The following WWOX variants were observed in gnomAD, a reference collection of about 807,000 sequenced individuals.
WWOX encodes WW domain-containing oxidoreductase.
In WWOX, 69 loss-of-function variants were observed where a neutral mutation model predicts 46.2. The ratio of observed to expected loss-of-function variants is 1.49; its 90% CI spans 1.23 to 1.82. WWOX has a LOEUF of 1.82. Ranked by LOEUF, WWOX falls within the 40% of genes most tolerant of loss-of-function variation. The pLI is 0.00. For missense variants in WWOX, 919 were observed against 542.6 expected (o/e 1.69, Z -6.89); for synonymous variants, 359 against 202.6 (o/e 1.77, Z -6.56).
chr16:79,044,425 C>A (rs1302884430), intron 8 of WWOX, among the ~76,000 whole-genome samples: 3 of 152,112 alleles, frequency 2.0e-5, no homozygotes, highest in Non-Finnish European at 4.4e-5. Context: ...TTGGTACTGT[C>A]CTCACGATAG....
At chr16:78,525,980 A>C (rs2151505228) in intron 8 of WWOX, 1 of 152,334 alleles carries the variant, frequency 6.6e-6, no homozygotes, top group African/African-American at 2.4e-5. Context: ...GTTGCAGAGC[A>C]CATGTATCAT....
intron 8 of WWOX, among the ~76,000 whole-genome samples, chr16:78,542,206 C>T (rs1311368395): frequency 3.9e-5 from 6 of 151,976 alleles, no homozygotes; most frequent in East Asian, 1.9e-4. Context: ...GTATCTCCAG[C>T]CCTCCGTAAA....
chr16:78,466,619 C>G (rs140358957), intron 8 of WWOX, among the ~76,000 whole-genome samples: 4,279 of 152,128 alleles, frequency 0.028, 185 homozygotes, highest in South Asian at 0.2. Flanking sequence ...CACTTGAGGT[C>G]AGGAGTTCGA....
chr16:78,395,126 A>T (rs11862908), intron 6 of WWOX, among the ~76,000 whole-genome samples: 3,196 of 152,290 alleles, frequency 0.021, 100 homozygotes, highest in African/African-American at 0.071. Flanking sequence ...TTCTGAGAAT[A>T]TATAGAGTTT....
At chr16:78,686,370 G>T (rs925609429) in intron 8 of WWOX, among the ~76,000 whole-genome samples, 3 of 152,144 alleles carry the variant, frequency 2.0e-5, no homozygotes, top group African/African-American at 7.2e-5. Flanking sequence ...AATTAGCCAG[G>T]CGTGGTGGCG....
intron 8 of WWOX, among the ~76,000 whole-genome samples, chr16:78,639,764 C>T (rs1446073067): frequency 6.6e-6 from 1 of 152,098 alleles, no homozygotes; most frequent in Non-Finnish European, 1.5e-5. Flanking sequence ...CAGGGTTTCA[C>T]CATGTTGGCC....
chr16:79,138,824 C>G (rs2050032951), intron 8 of WWOX, among the ~76,000 whole-genome samples: 1 of 152,156 alleles, frequency 6.6e-6, no homozygotes, highest in Non-Finnish European at 1.5e-5. Context: ...AGGGACTCAC[C>G]AGATGTGGCA....
intron 8 of WWOX, among the ~76,000 whole-genome samples, chr16:78,597,815 C>A (rs1429450727): frequency 6.7e-6 from 1 of 149,676 alleles, no homozygotes; most frequent in Non-Finnish European, 1.5e-5. Flanking sequence ...AATGCTAAGC[C>A]CTCCCCACTT....
rs750226191 is a variant in WWOX at position 78,115,055 on chromosome 16, C to T, written c.310C>T (p.Arg104Trp). 85 of 1,614,178 alleles carry T rather than the reference C, an allele frequency of 5.3e-5. No homozygotes were observed. The highest frequency in any genetic ancestry group is 6.7e-5 in the East Asian group (3 of 44,882). ...TGATAATCCGACCAAGCCAACCACCCGGCAAAGATACGACGGCAGCACCAC... is the reference window on the plus strand; with the variant it reads ...TGATAATCCGACCAAGCCAACCACCTGGCAAAGATACGACGGCAGCACCAC... ...VDDNPTKPTT[R>W]QRYDGSTTAM... The change falls in exon 4 of 9, where the codon CGG becomes TGG. Residue 104 changes from arginine (R) to tryptophan (W), a missense_variant. Transcript: ENST00000566780.
At chr16:79,187,435 C>G (rs1423647573) in intron 8 of WWOX, among the ~76,000 whole-genome samples, 1 of 152,196 alleles carries the variant, frequency 6.6e-6, no homozygotes, top group African/African-American at 2.4e-5. Context: ...GAGTATCGCT[C>G]TGTCACCCAG....
At chr16:78,217,958 C>T (rs528002512) in intron 5 of WWOX, among the ~76,000 whole-genome samples, 80 of 152,314 alleles carry the variant, frequency 5.3e-4, no homozygotes, top group African/African-American at 1.8e-3. Context: ...TGTATTTATG[C>T]AGCAGCCTCC....
chr16:78,832,132 A>C (rs1390815762), intron 8 of WWOX, among the ~76,000 whole-genome samples: 2 of 152,144 alleles, frequency 1.3e-5, no homozygotes, highest in Non-Finnish European at 2.9e-5. Context: ...GTCTTTTCTG[A>C]AGTTGCCAGC....
intron 5 of WWOX, among the ~76,000 whole-genome samples, chr16:78,295,380 T>C (rs2079927727): frequency 6.6e-6 from 1 of 152,142 alleles, no homozygotes; most frequent in African/African-American, 2.4e-5. Flanking sequence ...GTAGCATTAT[T>C]ATCTCCAACA....
intron 8 of WWOX, among the ~76,000 whole-genome samples, chr16:78,767,902 T>C (rs2049963272): frequency 6.6e-6 from 1 of 152,194 alleles, no homozygotes; most frequent in Admixed American, 6.5e-5. Flanking sequence ...TTTTTGGTTC[T>C]ATTTTTGCTT....
intron 8 of WWOX, among the ~76,000 whole-genome samples, chr16:78,860,569 A>G (rs2052692747): frequency 6.6e-6 from 1 of 152,232 alleles, no homozygotes; most frequent in Admixed American, 6.5e-5. Context: ...ACTGTGAAAA[A>G]GAAAAGTCCC....
chr16:78,248,767 T>A (rs2037896741), intron 5 of WWOX, among the ~76,000 whole-genome samples: 1 of 151,950 alleles, frequency 6.6e-6, no homozygotes, highest in Non-Finnish European at 1.5e-5. Context: ...GACACGAAAT[T>A]TGGTGGGGAC....
intron 8 of WWOX, among the ~76,000 whole-genome samples, chr16:78,613,462 G>T (rs1255400810): frequency 6.6e-6 from 1 of 152,078 alleles, no homozygotes; most frequent in Non-Finnish European, 1.5e-5. Context: ...CCTACCTCTG[G>T]CAGAATCGCT....
At chr16:78,723,460 G>C (rs974175079) in intron 8 of WWOX, among the ~76,000 whole-genome samples, 1 of 130,710 alleles carries the variant, frequency 7.7e-6, no homozygotes, top group African/African-American at 3.0e-5. Flanking sequence ...ACAGAAGTCT[G>C]CTACCTTGTT....
At chr16:79,188,676 T>A (rs767120456) in intron 8 of WWOX, among the ~76,000 whole-genome samples, 1 of 152,232 alleles carries the variant, frequency 6.6e-6, no homozygotes, top group Non-Finnish European at 1.5e-5. Flanking sequence ...ATGTGCTGGG[T>A]TGGGTCCTCC....
Sources: allele counts gnomAD v4.1 joint callset (sites outside exome capture counted in the v4.1 genomes callset), GRCh38; gene constraint gnomAD v4.1.1; transcripts MANE v1.5; gene names NCBI Gene and HGNC (gene_info 2026-07-23, HGNC 2026-07-21).